Variants in NRG3 observed in about 807,000 individuals in gnomAD.
The protein encoded by NRG3 is pro-neuregulin-3, membrane-bound isoform.
Under a neutral mutation model 66.9 loss-of-function variants are expected in NRG3, and 31 were observed. That is an observed-to-expected ratio of 0.46 (90% CI 0.35 to 0.63). NRG3 has a LOEUF of 0.63. Ranked by LOEUF, NRG3 falls within the 20% of genes least tolerant of loss-of-function variation. The pLI is 0.00. For missense variants in NRG3, 910 were observed against 878.9 expected (o/e 1.04, Z -0.45); for synonymous variants, 393 against 359.4 (o/e 1.09, Z -1.06).
chr10:81,964,190 A>G (rs568255968), intron 1 of NRG3, among the ~76,000 whole-genome samples: 13 of 152,266 alleles, frequency 8.5e-5, no homozygotes, highest in African/African-American at 2.9e-4. Context: ...ATTTACTCCA[A>G]TGGAATCATA....
chr10:82,050,581 A>G (rs892951560), intron 1 of NRG3, among the ~76,000 whole-genome samples: 4 of 152,014 alleles, frequency 2.6e-5, no homozygotes, highest in African/African-American at 9.7e-5. Flanking sequence ...AGACTGGTAT[A>G]ACTCACATTA....
chr10:82,460,471 A>G (rs908352848), intron 2 of NRG3, among the ~76,000 whole-genome samples: 2 of 152,216 alleles, frequency 1.3e-5, no homozygotes, highest in African/African-American at 4.8e-5. Context: ...GAATATTATT[A>G]TATCTTTCTT....
At chr10:82,620,907 T>C (rs2049001378) in intron 2 of NRG3, among the ~76,000 whole-genome samples, 1 of 152,096 alleles carries the variant, frequency 6.6e-6, no homozygotes, top group African/African-American at 2.4e-5. Flanking sequence ...TTTTGACTGG[T>C]CTCTGTGGTC....
intron 1 of NRG3, among the ~76,000 whole-genome samples, chr10:82,223,285 A>G (rs2133798478): frequency 6.6e-6 from 1 of 152,268 alleles, no homozygotes; most frequent in Non-Finnish European, 1.5e-5. Context: ...TAAAGCTGAG[A>G]TAATCTCAGG....
chr10:82,502,226 C>T (rs1844263712), intron 2 of NRG3, among the ~76,000 whole-genome samples: 1 of 151,992 alleles, frequency 6.6e-6, no homozygotes, highest in African/African-American at 2.4e-5. Flanking sequence ...GTGAGCTTGC[C>T]AGGTTCTGGA....
At chr10:82,234,968 G>A (rs2076684503) in intron 1 of NRG3, among the ~76,000 whole-genome samples, 1 of 152,242 alleles carries the variant, frequency 6.6e-6, no homozygotes, top group African/African-American at 2.4e-5. Flanking sequence ...CTCAAGAGAA[G>A]GGGCTTCATT....
At chr10:82,511,475 C>G (rs982390725) in intron 2 of NRG3, among the ~76,000 whole-genome samples, 2 of 152,172 alleles carry the variant, frequency 1.3e-5, no homozygotes, top group African/African-American at 4.8e-5. Flanking sequence ...GGTGAGTTGT[C>G]ACTCCTTGTT....
chr10:82,344,437 C>T (rs1412527240), intron 1 of NRG3, among the ~76,000 whole-genome samples: 1 of 149,506 alleles, frequency 6.7e-6, no homozygotes, highest in African/African-American at 2.6e-5. Flanking sequence ...TGTATATGTG[C>T]CACATTTTCT....
At chr10:82,647,859 T>C (rs1480655797) in intron 2 of NRG3, among the ~76,000 whole-genome samples, 2 of 150,444 alleles carry the variant, frequency 1.3e-5, no homozygotes, top group Non-Finnish European at 3.0e-5. Context: ...TTGTTTGTTT[T>C]TTTCTTGTAA....
At chr10:82,848,438 C>T (rs1040367215) in intron 3 of NRG3, among the ~76,000 whole-genome samples, 1 of 152,150 alleles carries the variant, frequency 6.6e-6, no homozygotes, top group African/African-American at 2.4e-5. Flanking sequence ...TGTATTTACC[C>T]AATGCCTTTA....
At chr10:82,019,545 C>T (rs936975156) in intron 1 of NRG3, among the ~76,000 whole-genome samples, 5 of 152,178 alleles carry the variant, frequency 3.3e-5, no homozygotes, top group Admixed American at 2.0e-4. Context: ...TGGTAGAATT[C>T]GGCTGTGAAT....
intron 1 of NRG3, among the ~76,000 whole-genome samples, chr10:82,164,299 A>T (rs914905137): frequency 9.9e-5 from 15 of 152,276 alleles, no homozygotes; most frequent in Middle Eastern, 3.4e-3. Context: ...ATGTGTAATG[A>T]TCAACTCAGG....
intron 1 of NRG3, among the ~76,000 whole-genome samples, chr10:82,132,254 A>C (rs932452643): frequency 8.6e-5 from 13 of 151,302 alleles, no homozygotes; most frequent in African/African-American, 3.2e-4. Flanking sequence ...AGGGATATTA[A>C]ATTTTAACAA....
intron 1 of NRG3, chr10:82,225,333 T>C (rs1589380793): frequency 6.6e-6 from 1 of 152,212 alleles, no homozygotes; most frequent in African/African-American, 2.4e-5. Flanking sequence ...AGAAGCTACA[T>C]TAATTAGACA....
chr10:81,938,773 T>C (rs1293291814), intron 1 of NRG3, among the ~76,000 whole-genome samples: 1 of 152,082 alleles, frequency 6.6e-6, no homozygotes, highest in Non-Finnish European at 1.5e-5. Context: ...CTAATTGCTC[T>C]GGTTAGGACT....
intron 1 of NRG3, among the ~76,000 whole-genome samples, chr10:82,352,663 G>T (rs1304988819): frequency 2.6e-5 from 4 of 152,182 alleles, no homozygotes; most frequent in Non-Finnish European, 5.9e-5. Flanking sequence ...GATTGTGGGG[G>T]TGCAAGGTGG....
chr10:82,273,944 T>C (rs567998733), intron 1 of NRG3, among the ~76,000 whole-genome samples: 29 of 152,038 alleles, frequency 1.9e-4, no homozygotes, highest in Non-Finnish European at 2.6e-4. Context: ...CTCCCAAGTA[T>C]CATTCACCTA....
chr10:82,017,908 C>T (rs1337383109), intron 1 of NRG3, among the ~76,000 whole-genome samples: 23 of 152,036 alleles, frequency 1.5e-4, no homozygotes, highest in Admixed American at 3.3e-4. Context: ...ACTCTGATGG[C>T]AGTTTCTTTT....
At chr10:82,736,746 A>G (rs1461610583) in intron 2 of NRG3, among the ~76,000 whole-genome samples, 1 of 152,236 alleles carries the variant, frequency 6.6e-6, no homozygotes, top group African/African-American at 2.4e-5. Flanking sequence ...AACAAAGAAC[A>G]CTTAAAAAGC....
Sources: allele counts gnomAD v4.1 joint callset (sites outside exome capture counted in the v4.1 genomes callset), GRCh38; gene constraint gnomAD v4.1.1; transcripts MANE v1.5; gene names NCBI Gene and HGNC (gene_info 2026-07-23, HGNC 2026-07-21).